The following USP42 variants were observed in gnomAD, a reference collection of about 807,000 sequenced individuals.
USP42 encodes the protein ubiquitin carboxyl-terminal hydrolase 42.
A neutral mutation model predicts 113.0 loss-of-function variants in USP42; 23 were observed. The observed-to-expected ratio is 0.20, with a 90% CI of 0.15 to 0.29. The LOEUF (loss-of-function observed/expected upper bound fraction) is 0.29. Among genes scored for constraint, USP42 ranks in the 10% least tolerant of loss-of-function variants. The probability of loss-of-function intolerance (pLI) is 1.00; values close to 1 mark genes in which losing one functional copy is unlikely to be tolerated. For missense variants in USP42, 2,174 were observed against 1,779.8 expected (o/e 1.22, Z -3.99); for synonymous variants, 933 against 699.0 (o/e 1.33, Z -5.28).
At chr7:6,094,065 G>A in the USP42 span, among the ~76,000 whole-genome samples, 1 of 150,866 alleles carries the variant, frequency 6.6e-6, no homozygotes, top group East Asian at 1.9e-4. Context: ...TGTATTTTTA[G>A]TAGAGACGGG....
upstream of USP42, among the ~76,000 whole-genome samples, chr7:6,100,626 G>A (rs1244766692): frequency 6.7e-6 from 1 of 150,220 alleles, no homozygotes; most frequent in Non-Finnish European, 1.5e-5. Flanking sequence ...CACTGTGCCT[G>A]GCACCTGGAC....
At chr7:6,089,716 A>G in the USP42 span, among the ~76,000 whole-genome samples, 1 of 150,170 alleles carries the variant, frequency 6.7e-6, no homozygotes, top group Admixed American at 6.6e-5. Context: ...TGTATTTAGT[A>G]GAGATGGGGT....
chr7:6,111,479 C>A (rs1779593813), intron 2 of USP42, 105 bp downstream of exon 2: 1 of 1,371,376 alleles, frequency 7.3e-7, no homozygotes, highest in Non-Finnish European at 9.8e-7. Flanking sequence ...CGTGAGGCCA[C>A]CTGAGTGGCC....
chr7:6,119,761 G>T (rs549484702), intron 3 of USP42, among the ~76,000 whole-genome samples: 1 of 151,910 alleles, frequency 6.6e-6, no homozygotes, highest in East Asian at 1.9e-4. Context: ...GAGTACAGTG[G>T]TGCACAGTCA....
chr7:6,130,348 C>T (rs1221952164), intron 3 of USP42, among the ~76,000 whole-genome samples: 4 of 152,244 alleles, frequency 2.6e-5, no homozygotes, highest in South Asian at 4.1e-4. Flanking sequence ...GAAGTTCCTG[C>T]TCCCCACATG....
At chr7:6,091,900 C>CT in the USP42 span, among the ~76,000 whole-genome samples, 15 of 150,734 alleles carry the variant, frequency 1.0e-4, no homozygotes, top group Non-Finnish European at 1.9e-4. Context: ...GCATTTCTTC[C>CT]TGAAATGCTG....
At chr7:6,152,431 GCACT>G (rs1230710728) in intron 14 of USP42, among the ~76,000 whole-genome samples, 1 of 152,150 alleles carries the variant, frequency 6.6e-6, no homozygotes, top group Non-Finnish European at 1.5e-5. Context: ...ACGGTTGTTG[GCACT>G]CACCTGTGGG....
chr7:6,102,770 T>G (rs1413894011), upstream of USP42, among the ~76,000 whole-genome samples: 2 of 150,746 alleles, frequency 1.3e-5, 1 homozygote, highest in African/African-American at 5.0e-5. Flanking sequence ...GAAAGGGAAC[T>G]TGGAGTTTCT....
chr7:6,131,358 C>T (rs959994096), intron 3 of USP42, among the ~76,000 whole-genome samples: 2 of 151,834 alleles, frequency 1.3e-5, no homozygotes, highest in African/African-American at 4.8e-5. Flanking sequence ...GCCTGTAATC[C>T]CAGCTACTCG....
At chr7:6,124,041 A>C (rs1199336462) in intron 3 of USP42, among the ~76,000 whole-genome samples, 1 of 151,724 alleles carries the variant, frequency 6.6e-6, no homozygotes, top group Non-Finnish European at 1.5e-5. Flanking sequence ...GTGCCCGGCT[A>C]ACTTTTGTAT....
At chr7:6,136,897 T>C (rs1237845211) in intron 4 of USP42, among the ~76,000 whole-genome samples, 1 of 151,990 alleles carries the variant, frequency 6.6e-6, no homozygotes, top group Admixed American at 6.6e-5. Flanking sequence ...CTTGCCCCAG[T>C]TGAGTAGCTG....
chr7:6,145,147 G>T (rs766136805), intron 9 of USP42, among the ~76,000 whole-genome samples: 4 of 151,768 alleles, frequency 2.6e-5, no homozygotes, highest in African/African-American at 4.8e-5. Flanking sequence ...GCCTAGCCAA[G>T]ATGGTGAAAC....
chr7:6,098,833 A>G, the USP42 span, among the ~76,000 whole-genome samples: 13 of 150,296 alleles, frequency 8.6e-5, 1 homozygote, highest in Non-Finnish European at 1.9e-4. Flanking sequence ...GGCATGAGCC[A>G]CCATGCCCTG....
At chr7:6,089,362 T>C in the USP42 span, among the ~76,000 whole-genome samples, 1 of 150,508 alleles carries the variant, frequency 6.6e-6, no homozygotes, top group Non-Finnish European at 1.5e-5. Context: ...TTTGGTGTCC[T>C]GAGGATTGGC....
intron 2 of USP42, among the ~76,000 whole-genome samples, chr7:6,114,651 T>C (rs1374216730): frequency 1.3e-5 from 1 of 75,272 alleles, no homozygotes; most frequent in African/African-American, 8.6e-5. Flanking sequence ...TATGTATGTG[T>C]GTGTGTATAT....
chr7:6,128,807 C>G (rs533308015), intron 3 of USP42, among the ~76,000 whole-genome samples: 25 of 151,556 alleles, frequency 1.6e-4, no homozygotes, highest in African/African-American at 5.6e-4. Context: ...TTTTGCTTTA[C>G]TTGAGTCTTT....
rs1314414203 is a variant in USP42 at position 6,161,307 on chromosome 7, GATTTT to G, written c.*795_*799del. 1 of 152,464 alleles carries G rather than the reference GATTTT, an allele frequency of 6.6e-6. No homozygotes were observed. Among genetic ancestry groups the G allele is most frequent in the South Asian group, 2.1e-4 (1 of 4,816 alleles). The allele number at this position is 152,464 out of a possible 1,614,324, so 9.4% of individuals were successfully genotyped here. On this transcript the variant is annotated 3_prime_UTR_variant, in exon 18 of 18. Coordinates refer to ENST00000306177, the MANE Select transcript of USP42 (RefSeq NM_032172.3). ...CTAGTTACAGACACAATCATACTGT[GATTTT>G]ATTTTTAATATGGATATGCTATCAA... is the stretch of plus-strand genomic sequence containing the variant.
chr7:6,101,117 A>G (rs1363777426), upstream of USP42, among the ~76,000 whole-genome samples: 1 of 151,114 alleles, frequency 6.6e-6, no homozygotes, highest in African/African-American at 2.5e-5. Context: ...TGGAGCAACA[A>G]TATTGTCTCA....
chr7:6,125,404 C>T (rs773993350), intron 3 of USP42, among the ~76,000 whole-genome samples: 2 of 151,990 alleles, frequency 1.3e-5, no homozygotes, highest in East Asian at 3.9e-4. Context: ...GTGGGAGAAT[C>T]GCTTGAACCT....
Sources: allele counts gnomAD v4.1 joint callset (sites outside exome capture counted in the v4.1 genomes callset), GRCh38; gene constraint gnomAD v4.1.1; transcripts MANE v1.5; gene names NCBI Gene and HGNC (gene_info 2026-07-23, HGNC 2026-07-21).